The following NMD3 variants were observed in gnomAD, a reference collection of about 807,000 sequenced individuals.
NMD3 encodes the protein NMD3 ribosome export adaptor, also known as 60S ribosomal export protein NMD3.
A neutral mutation model predicts 73.1 loss-of-function variants in NMD3; 47 were observed. The observed-to-expected ratio is 0.64, with a 90% confidence interval of 0.51 to 0.82. NMD3 has a LOEUF of 0.82. NMD3 is among the 40% of genes least tolerant of loss of function. NMD3 has a pLI of 0.00. For synonymous variants in NMD3, 210 were observed against 194.5 expected (o/e 1.08, Z -0.66); for missense variants, 554 against 612.5 (o/e 0.90, Z 1.01).
At chr3:161,250,078 G>T (rs527606973) in intron 14 of NMD3, among the ~76,000 whole-genome samples, 178 bp from the exon 15 acceptor site, 2 of 152,222 alleles carry the variant, frequency 1.3e-5, no homozygotes, top group Non-Finnish European at 2.9e-5. Context: ...TCAAAAAGTG[G>T]CTTTAATGAT....
chr3:161,244,737 G>A (rs944373343), intron 11 of NMD3, among the ~76,000 whole-genome samples: 1 of 149,096 alleles, frequency 6.7e-6, no homozygotes, highest in African/African-American at 2.5e-5. Context: ...TTGAGGTTGT[G>A]TGCTCCAGTG....
At chr3:161,231,379 A>G (rs1736539675) in intron 4 of NMD3, among the ~76,000 whole-genome samples, 2 of 152,164 alleles carry the variant, frequency 1.3e-5, no homozygotes, top group South Asian at 4.1e-4. Flanking sequence ...AGTGACTGAG[A>G]TAGGAAGGTG....
chr3:161,222,843 T>C (rs768773429), intron 2 of NMD3: 6 of 152,044 alleles, frequency 3.9e-5, no homozygotes, highest in Non-Finnish European at 7.4e-5. Context: ...AAAGGAAAAA[T>C]AGGAATTCAG....
At position 161,241,053 on chromosome 3, in the gene NMD3, T is replaced by TC; in HGVS notation, c.761_762insC (p.Val255CysfsTer31). The TC allele has an allele frequency of 6.2e-7, 1 of 1,605,918 alleles. No individual in the cohort carries two copies. The highest frequency in any genetic ancestry group is 8.5e-7 in the Non-Finnish European group (1 of 1,173,754). ...GTTAGTTCTTATGCCTAGGATAATGTTGTCTGTCTGTCTCCAAAACTGGCA... is the reference window on the plus strand; with the variant it reads ...GTTAGTTCTTATGCCTAGGATAATGTCTGTCTGTCTGTCTCCAAAACTGGCA... On this transcript the variant is annotated frameshift_variant, in exon 10 of 16. Coordinates refer to ENST00000351193, the MANE Select transcript of NMD3 (RefSeq NM_015938.5). LOFTEE classifies it high-confidence loss of function.
At chr3:161,239,250 C>T (rs1369231030) in intron 9 of NMD3, among the ~76,000 whole-genome samples, 2 of 152,062 alleles carry the variant, frequency 1.3e-5, no homozygotes, top group African/African-American at 4.8e-5. Flanking sequence ...AAAATGAGAT[C>T]ATAGAATCAT....
At chr3:161,234,229 C>G (rs1028302618) in intron 5 of NMD3, among the ~76,000 whole-genome samples, 10 of 151,672 alleles carry the variant, frequency 6.6e-5, no homozygotes, top group Non-Finnish European at 1.5e-4. Flanking sequence ...TTTGGGAGGC[C>G]AAGGTAGGCA....
chr3:161,238,973 A>G, intron 9 of NMD3, 147 bp downstream of exon 9: 1 of 477,600 alleles, frequency 2.1e-6, no homozygotes, highest in Non-Finnish European at 3.8e-6. Context: ...ACATTCAGCC[A>G]TGTTAAAAGA....
rs1275804030 is a variant in NMD3 at position 161,229,232 on chromosome 3, G to A, written c.276+1889G>A. Among the ~76,000 whole-genome samples, 3 of 152,190 alleles carry A rather than the reference G, an allele frequency of 2.0e-5. No homozygotes were observed. The East Asian group carries it at 5.8e-4, about 29-fold the overall frequency. ...AGTATAGAGGGTGAAGGGCAGAGTAGTGAGATGACATGACTTATTAGTATT... is the reference window on the plus strand; with the variant it reads ...AGTATAGAGGGTGAAGGGCAGAGTAATGAGATGACATGACTTATTAGTATT... On this transcript the variant is annotated intron_variant, in intron 4 of 15. Coordinates refer to ENST00000351193, the MANE Select transcript of NMD3 (RefSeq NM_015938.5).
intron 3 of NMD3, among the ~76,000 whole-genome samples, chr3:161,225,644 A>G (rs998390964): frequency 2.0e-5 from 3 of 152,174 alleles, no homozygotes; most frequent in Non-Finnish European, 2.9e-5. Flanking sequence ...ACTTACATCT[A>G]TTAGGCCATT....
At chr3:161,235,325 C>T (rs1736715928) in intron 7 of NMD3, 113 bp downstream of exon 7, 5 of 402,328 alleles carry the variant, frequency 1.2e-5, no homozygotes, top group South Asian at 1.3e-4. Context: ...AAAGAACTTT[C>T]TGTTAGGAAA....
At chr3:161,237,621 C>T (rs546836781) in intron 7 of NMD3, among the ~76,000 whole-genome samples, 18 of 150,232 alleles carry the variant, frequency 1.2e-4, no homozygotes, top group East Asian at 7.8e-4. Flanking sequence ...CTCACTGCAA[C>T]CTCCGCCAAC....
intron 7 of NMD3, among the ~76,000 whole-genome samples, chr3:161,236,026 G>A (rs1736743352): frequency 6.6e-6 from 1 of 151,674 alleles, no homozygotes; most frequent in Non-Finnish European, 1.5e-5. Flanking sequence ...ATTTAGTTCT[G>A]TTTTGTTTTA....
At chr3:161,252,836 C>T (rs774177984), downstream of NMD3, 42 of 694,072 alleles carry the variant, frequency 6.1e-5, no homozygotes, top group Non-Finnish European at 8.6e-5. Flanking sequence ...TGGTGGTTGA[C>T]GCCTGTAATC....
At chr3:161,233,094 C>T (rs1736601558) in intron 4 of NMD3, among the ~76,000 whole-genome samples, 1 of 146,570 alleles carries the variant, frequency 6.8e-6, no homozygotes, top group Non-Finnish European at 1.5e-5. Flanking sequence ...AATATAATTT[C>T]CTTTTAAAGG....
intron 2 of NMD3, 114 bp downstream of exon 2, chr3:161,222,171 ATGGG>A: frequency 3.7e-6 from 3 of 803,258 alleles, no homozygotes; most frequent in African/African-American, 1.7e-5. Context: ...ATTGTCATAA[ATGGG>A]AAAAAATAGA....
At chr3:161,227,109 G>T in intron 3 of NMD3, 138 bp from the exon 4 acceptor site, 15 of 503,030 alleles carry the variant, frequency 3.0e-5, no homozygotes, top group East Asian at 7.2e-5. Flanking sequence ...ATTAAAATAT[G>T]TTTGAGTTAA....
chr3:161,247,383 C>A, intron 13 of NMD3, 53 bp downstream of exon 13: 1 of 1,078,478 alleles, frequency 9.3e-7, no homozygotes, highest in Non-Finnish European at 1.4e-6. Context: ...ATGAATGTAA[C>A]TCTTAGGGGT....
intron 10 of NMD3, among the ~76,000 whole-genome samples, chr3:161,242,146 C>G (rs1737007176): frequency 6.6e-6 from 1 of 152,040 alleles, no homozygotes; most frequent in Non-Finnish European, 1.5e-5. Context: ...TAGAACTAGG[C>G]TTTATTTCCC....
In NMD3 at chr3:161,251,057, A is replaced by G; in HGVS notation, c.*147A>G. 1.9e-6 allele frequency: 1 copy of G among 530,176 alleles called. No homozygotes were observed. Among genetic ancestry groups the G allele is most frequent in the Non-Finnish European group, 3.3e-6 (1 of 300,230 alleles). 32.8% of individuals were successfully genotyped at this position (530,176 alleles called of 1,614,324 possible). On this transcript the variant is annotated 3_prime_UTR_variant, in exon 16 of 16. Transcript: ENST00000351193. ...ACATGTTTGTTTTCAGTGCTCACTC[A>G]AACCACTAAAACAGATGGATAGCTT...
Sources: gnomAD v4.1 joint callset for allele counts (sites outside exome capture counted in the v4.1 genomes callset) on GRCh38, gnomAD v4.1.1 for gene constraint, MANE v1.5 for transcripts, NCBI Gene and HGNC (gene_info 2026-07-23, HGNC 2026-07-21) for gene names.